Variants in KIFC3 observed in about 807,000 individuals in gnomAD.
KIFC3 encodes kinesin family member C3.
In KIFC3, 60 loss-of-function variants were observed where a neutral mutation model predicts 101.8. The ratio of observed to expected loss-of-function variants is 0.59; its 90% CI spans 0.48 to 0.73. KIFC3 has a LOEUF of 0.73. Ranked by LOEUF, KIFC3 falls within the 30% of genes least tolerant of loss-of-function variation. The pLI is 0.00. For missense variants in KIFC3, 966 were observed against 1,137.1 expected (o/e 0.85, Z 2.16); for synonymous variants, 476 against 482.7 (o/e 0.99, Z 0.18).
chr16:57,811,841 GGA>G (rs1386648590), intron 1 of KIFC3, among the ~76,000 whole-genome samples: 1 of 151,104 alleles, frequency 6.6e-6, no homozygotes, highest in Non-Finnish European at 1.5e-5. Flanking sequence ...CTTGAACCTG[GGA>G]GGCAGAGGTT....
chr16:57,838,501 T>C (rs1397454805), intron 1 of KIFC3, among the ~76,000 whole-genome samples: 2 of 152,170 alleles, frequency 1.3e-5, no homozygotes, highest in African/African-American at 4.8e-5. Context: ...GCATATCTAT[T>C]ACCAAGCACA....
intron 1 of KIFC3, among the ~76,000 whole-genome samples, chr16:57,841,788 A>T (rs113754769): frequency 6.6e-6 from 1 of 152,130 alleles, no homozygotes; most frequent in African/African-American, 2.4e-5. Flanking sequence ...CCAGCTCTCC[A>T]GCTGCATGAG....
chr16:57,761,165 C>A lies in KIFC3; in HGVS notation c.1879G>T (p.Glu627Ter). 6.2e-7 allele frequency: 1 copy of A among 1,613,860 alleles called. No homozygotes were observed. The highest frequency in any genetic ancestry group is 1.1e-5 in the South Asian group (1 of 91,066). The change falls in exon 15 of 20, where the codon GAG (glutamate) becomes TAG (stop). Residue 627 changes from glutamate (E) to a stop codon, truncating the protein, a stop_gained. Transcript: ENST00000445690. LOFTEE classifies it high-confidence loss of function. ...GTCGTGCGATTAGTGTGGCCAAACTCAAACACCTGGGGGATTGGGAGGAGG... is the reference window on the plus strand; with the variant it reads ...GTCGTGCGATTAGTGTGGCCAAACTAAAACACCTGGGGGATTGGGAGGAGG... ...QSVDDINKVF[E>*]FGHTNRTTEF...
chr16:57,774,723 T>G (rs1349471173), intron 3 of KIFC3: 4 of 482,546 alleles, frequency 8.3e-6, no homozygotes, highest in Non-Finnish European at 1.4e-5. Context: ...AGAAGGGTCT[T>G]GCCATTTTGC....
chr16:57,767,053 CCT>C (rs2050574099), intron 9 of KIFC3, 68 bp from the exon 10 acceptor site: 4 of 1,295,542 alleles, frequency 3.1e-6, no homozygotes, highest in South Asian at 2.4e-5. Flanking sequence ...ACTGCCCACC[CCT>C]GAGGGGTGCT....
intron 1 of KIFC3, among the ~76,000 whole-genome samples, chr16:57,850,677 TGTTGGCCAG>T (rs2056034463): frequency 6.6e-6 from 1 of 151,794 alleles, no homozygotes; most frequent in Non-Finnish European, 1.5e-5. Flanking sequence ...GGTCTTGCCA[TGTTGGCCAG>T]GCTGGTCTCG....
upstream of KIFC3, chr16:57,803,113 C>G (rs1036165805): frequency 2.0e-5 from 26 of 1,289,576 alleles, no homozygotes; most frequent in African/African-American, 1.5e-5. Context: ...TCTGCACCCC[C>G]AGCCCCACCC....
intron 1 of KIFC3, among the ~76,000 whole-genome samples, chr16:57,811,453 T>C (rs1555627797): frequency 6.6e-6 from 1 of 152,128 alleles, no homozygotes; most frequent in Non-Finnish European, 1.5e-5. Flanking sequence ...CCAAGCGCGA[T>C]GGCTCACGCC....
Position 57,764,140 on chromosome 16 carries a change from C to A in KIFC3, c.1617+3G>T, listed in dbSNP as rs782055533. ...AACCCCCACCCCATTGGGCAGCACC[C>A]ACCTCCATCGTGTACGTCTTGCCGG... On this transcript the variant is annotated splice_donor_region_variant and intron_variant, in intron 12 of 19. Transcript: ENST00000445690. 1.6e-5 allele frequency: 25 copies of A among 1,608,894 alleles called. No individual in the cohort carries two copies. The highest frequency in any genetic ancestry group is 2.7e-5 in the African/African-American group (2 of 74,892).
At chr16:57,821,128 A>AG (rs1369082039) in intron 1 of KIFC3, among the ~76,000 whole-genome samples, 29 of 131,294 alleles carry the variant, frequency 2.2e-4, no homozygotes, top group African/African-American at 4.6e-4. Flanking sequence ...AAGCCTGTGT[A>AG]TTAAAAAAAA....
chr16:57,770,441 G>T (rs2051014647), intron 7 of KIFC3, 86 bp downstream of exon 7: 1 of 1,214,716 alleles, frequency 8.2e-7, no homozygotes, highest in Non-Finnish European at 1.1e-6. Context: ...TGTCTGTGGG[G>T]TACCCAAATG....
At chr16:57,826,601 G>C (rs2055461853) in intron 1 of KIFC3, among the ~76,000 whole-genome samples, 1 of 152,334 alleles carries the variant, frequency 6.6e-6, no homozygotes, top group Non-Finnish European at 1.5e-5. Flanking sequence ...ACTATGTGAT[G>C]ATTTTGCATT....
At chr16:57,797,649 C>G in intron 2 of KIFC3, 1 of 1,093,680 alleles carries the variant, frequency 9.1e-7, no homozygotes, top group South Asian at 2.3e-5. Flanking sequence ...CAGGGGCCAG[C>G]CCAGGCAGGA....
At position 57,769,520 on chromosome 16, in the gene KIFC3, C is replaced by A; in HGVS notation, c.1218+75G>T. 1.3e-6 allele frequency: 2 copies of A among 1,527,448 alleles called. No homozygotes were observed. The highest frequency in any genetic ancestry group is 1.8e-6 in the Non-Finnish European group (2 of 1,135,600). The allele number at this position is 1,527,448 out of a possible 1,614,324, so 94.6% of individuals were successfully genotyped here. A position where few individuals can be genotyped will look rare whatever the true frequency, so the allele number is the denominator to read the frequency against. On this transcript the variant is annotated intron_variant, in intron 9 of 19. Coordinates refer to ENST00000445690, the MANE Select transcript of KIFC3 (RefSeq NM_001130100.2). This position sits in a 1 kb window ranked among gnomAD's most constrained non-coding sequence, Gnocchi z 4.3. ...CGGCTTTGTCTGAGCTTTGGAGGGA[C>A]GCCCTGAGTGGATGTCGTGCCTCTC...
At chr16:57,795,889 T>TG (rs797034456) in intron 2 of KIFC3, among the ~76,000 whole-genome samples, 18,149 of 81,540 alleles carry the variant, frequency 0.22, 1,830 homozygotes, top group African/African-American at 0.3. Flanking sequence ...TTTTTGTTTT[T>TG]TTTTTTTTTT....
chr16:57,842,359 G>T (rs2055832466), intron 1 of KIFC3, among the ~76,000 whole-genome samples: 1 of 152,186 alleles, frequency 6.6e-6, no homozygotes, highest in Admixed American at 6.5e-5. Context: ...GTATGGAGTG[G>T]ACATTCACTG....
chr16:57,800,388 G>A (rs2054640344), intron 1 of KIFC3, among the ~76,000 whole-genome samples: 1 of 152,200 alleles, frequency 6.6e-6, no homozygotes, highest in Non-Finnish European at 1.5e-5. Context: ...AGTGTGGCGT[G>A]GAAGAAACCA....
intron 14 of KIFC3, 80 bp downstream of exon 14, chr16:57,761,333 G>A (rs1470323097): frequency 1.3e-6 from 2 of 1,594,954 alleles, no homozygotes; most frequent in African/African-American, 1.3e-5. Flanking sequence ...GCGTGCTTAG[G>A]ACACAGCAGA....
At chr16:57,765,817 AT>A in intron 10 of KIFC3, 177 bp from the exon 11 acceptor site, 1 of 596,618 alleles carries the variant, frequency 1.7e-6, no homozygotes, top group Non-Finnish European at 2.9e-6. Flanking sequence ...TATAGTATGA[AT>A]TCACTTAGTA....
Sources: allele counts gnomAD v4.1 joint callset (sites outside exome capture counted in the v4.1 genomes callset), GRCh38; gene constraint gnomAD v4.1.1; non-coding constraint Gnocchi (gnomAD v3.1); transcripts MANE v1.5; gene names NCBI Gene and HGNC (gene_info 2026-07-23, HGNC 2026-07-21).